Variants in PLPPR5 observed in about 807,000 individuals in gnomAD.
PLPPR5 encodes the protein phospholipid phosphatase-related protein type 5.
A neutral mutation model predicts 33.9 loss-of-function variants in PLPPR5; 16 were observed. The ratio of observed to expected loss-of-function variants is 0.47; its 90% CI spans 0.32 to 0.72. PLPPR5 has a LOEUF of 0.72. Among genes scored for constraint, PLPPR5 ranks in the 30% least tolerant of loss-of-function variants. The pLI, the probability that PLPPR5 is intolerant of heterozygous loss-of-function variation, is 0.03. For synonymous variants in PLPPR5, 163 were observed against 150.3 expected, an observed-to-expected ratio of 1.08 and a Z score of -0.62; for missense variants, 301 against 406.7, an observed-to-expected ratio of 0.74 and a Z score of 2.23.
chr1:98,912,909 C>G (rs924075694), intron 5 of PLPPR5, among the ~76,000 whole-genome samples: 1 of 152,140 alleles, frequency 6.6e-6, no homozygotes, highest in African/African-American at 2.4e-5. Context: ...TTAAGTACTT[C>G]TATCCTTACC....
At chr1:98,933,112 A>G (rs1650043800) in intron 3 of PLPPR5, among the ~76,000 whole-genome samples, 1 of 152,122 alleles carries the variant, frequency 6.6e-6, no homozygotes, top group Non-Finnish European at 1.5e-5. Flanking sequence ...AAGAACCCCA[A>G]TAAATTCAGG....
intron 1 of PLPPR5, among the ~76,000 whole-genome samples, chr1:98,980,592 G>A (rs903158313): frequency 2.0e-5 from 3 of 151,938 alleles, no homozygotes; most frequent in African/African-American, 4.8e-5. Context: ...AGTACTGTTC[G>A]ACTTCACATT....
intron 1 of PLPPR5, among the ~76,000 whole-genome samples, chr1:98,967,548 G>A (rs1228673913): frequency 1.3e-5 from 2 of 152,046 alleles, no homozygotes; most frequent in African/African-American, 4.8e-5. Flanking sequence ...GCCCCTTTTT[G>A]AAACAATCTG....
chr1:98,935,766 T>C (rs1444767742), intron 3 of PLPPR5, among the ~76,000 whole-genome samples: 1 of 152,216 alleles, frequency 6.6e-6, no homozygotes, highest in African/African-American at 2.4e-5. Context: ...AGGTGCATGT[T>C]GATTACTTGC....
chr1:98,978,249 G>A (rs1241749494), intron 1 of PLPPR5, among the ~76,000 whole-genome samples: 2 of 151,974 alleles, frequency 1.3e-5, no homozygotes, highest in African/African-American at 4.8e-5. Flanking sequence ...AGACAGGGAG[G>A]GAGGGGTGCT....
intron 1 of PLPPR5, among the ~76,000 whole-genome samples, chr1:98,982,856 T>C (rs1283987308): frequency 3.3e-5 from 5 of 152,086 alleles, no homozygotes; most frequent in Admixed American, 1.3e-4. Context: ...GGTAGGACTC[T>C]GATCTTTTTG....
intron 1 of PLPPR5, among the ~76,000 whole-genome samples, chr1:98,976,799 A>G (rs1651879512): frequency 6.6e-6 from 1 of 152,078 alleles, no homozygotes; most frequent in Non-Finnish European, 1.5e-5. Flanking sequence ...AAATTATCAA[A>G]ATTAATTTCA....
chr1:98,982,755 G>A (rs1392176856), intron 1 of PLPPR5, among the ~76,000 whole-genome samples: 1 of 152,084 alleles, frequency 6.6e-6, no homozygotes, highest in Non-Finnish European at 1.5e-5. Context: ...CAACTCCAGA[G>A]ATCTCTTGAG....
At chr1:98,907,297 G>A (rs945282889) in intron 5 of PLPPR5, among the ~76,000 whole-genome samples, 29 of 150,742 alleles carry the variant, frequency 1.9e-4, no homozygotes, top group Admixed American at 1.9e-3. Flanking sequence ...TGCCCCCCAG[G>A]TTCAAGCGAT....
At chr1:98,926,371 T>A (rs1180273310) in intron 3 of PLPPR5, among the ~76,000 whole-genome samples, 2 of 152,084 alleles carry the variant, frequency 1.3e-5, no homozygotes, top group Non-Finnish European at 2.9e-5. Flanking sequence ...CAAGTTAGGA[T>A]TGGATTATCT....
At chr1:98,913,374 A>G (rs1306216652) in intron 5 of PLPPR5, among the ~76,000 whole-genome samples, 1 of 152,180 alleles carries the variant, frequency 6.6e-6, no homozygotes, top group African/African-American at 2.4e-5. Context: ...GTCTGACCAG[A>G]GCCTAGCAAT....
intron 1 of PLPPR5, among the ~76,000 whole-genome samples, chr1:98,973,542 C>G (rs1263424974): frequency 6.6e-6 from 1 of 151,964 alleles, no homozygotes; most frequent in Non-Finnish European, 1.5e-5. Flanking sequence ...AAGAGCTTTA[C>G]AGGTAGGGCC....
chr1:98,930,274 T>C (rs1649916825), intron 3 of PLPPR5, among the ~76,000 whole-genome samples: 1 of 152,202 alleles, frequency 6.6e-6, no homozygotes, highest in Non-Finnish European at 1.5e-5. Flanking sequence ...ATATTTCAAG[T>C]ATCTCTGAAT....
At chr1:99,005,278 G>T (rs1653045347), upstream of PLPPR5, among the ~76,000 whole-genome samples, 1 of 152,168 alleles carries the variant, frequency 6.6e-6, no homozygotes. Flanking sequence ...GCGTGGACGC[G>T]TCTTCCGAGC....
intron 4 of PLPPR5, among the ~76,000 whole-genome samples, chr1:98,918,286 C>G (rs770536775): frequency 2.6e-5 from 4 of 152,028 alleles, no homozygotes; most frequent in Non-Finnish European, 5.9e-5. Flanking sequence ...TTTTTTTAAA[C>G]CTGCAAAATG....
At chr1:98,907,140 A>T (rs972080311) in intron 5 of PLPPR5, among the ~76,000 whole-genome samples, 1 of 150,930 alleles carries the variant, frequency 6.6e-6, no homozygotes, top group Non-Finnish European at 1.5e-5. Context: ...TGTTTTCTTT[A>T]ATTTCCTTGA....
chr1:98,947,365 C>T (rs192105731), intron 3 of PLPPR5, among the ~76,000 whole-genome samples: 3 of 152,288 alleles, frequency 2.0e-5, no homozygotes, highest in South Asian at 4.1e-4. Flanking sequence ...ATGTCAATCA[C>T]AGAATACCCA....
chr1:98,959,411 A>G (rs1173320243), intron 1 of PLPPR5, among the ~76,000 whole-genome samples: 4 of 152,192 alleles, frequency 2.6e-5, no homozygotes, highest in Non-Finnish European at 4.4e-5. Flanking sequence ...GGCTGCTACT[A>G]TAAGAAACCC....
intron 1 of PLPPR5, among the ~76,000 whole-genome samples, chr1:98,958,997 G>A (rs1421887657): frequency 1.3e-5 from 2 of 150,136 alleles, no homozygotes; most frequent in African/African-American, 4.9e-5. Flanking sequence ...TCCCTAGAAT[G>A]TAGTAGGTAC....
Sources: gnomAD v4.1 joint callset for allele counts (sites outside exome capture counted in the v4.1 genomes callset) on GRCh38, gnomAD v4.1.1 for gene constraint, MANE v1.5 for transcripts, NCBI Gene and HGNC (gene_info 2026-07-23, HGNC 2026-07-21) for gene names.